Variants in ARHGAP44 observed in about 807,000 individuals in gnomAD.
ARHGAP44 encodes Rho GTPase activating protein 44.
Under a neutral mutation model 106.8 loss-of-function variants are expected in ARHGAP44, and 43 were observed. That is an observed-to-expected ratio of 0.40 (90% CI 0.32 to 0.52). The LOEUF (loss-of-function observed/expected upper bound fraction) is 0.52. ARHGAP44 is among the 20% of genes least tolerant of loss of function. The pLI, the probability that ARHGAP44 is intolerant of heterozygous loss-of-function variation, is 0.48. For synonymous variants in ARHGAP44, 439 were observed against 410.3 expected, an observed-to-expected ratio of 1.07 and a Z score of -0.85; for missense variants, 866 against 1,050.5, an observed-to-expected ratio of 0.82 and a Z score of 2.43.
intron 1 of ARHGAP44, among the ~76,000 whole-genome samples, chr17:12,871,850 C>T (rs1055285526): frequency 4.6e-5 from 7 of 152,118 alleles, no homozygotes; most frequent in Admixed American, 2.6e-4. Flanking sequence ...TCACCTTCTA[C>T]CATGATTGTA....
At chr17:12,825,709 A>G (rs2150803798) in intron 1 of ARHGAP44, among the ~76,000 whole-genome samples, 1 of 152,326 alleles carries the variant, frequency 6.6e-6, no homozygotes, top group African/African-American at 2.4e-5. Context: ...ACATCTAAAA[A>G]ATAATTCACA....
chr17:12,901,116 G>T (rs1326466349), intron 3 of ARHGAP44, among the ~76,000 whole-genome samples: 2 of 151,918 alleles, frequency 1.3e-5, no homozygotes, highest in African/African-American at 4.8e-5. Context: ...TAGAGACAGG[G>T]TTTCACCATG....
chr17:12,954,066 T>TG (rs918064380), intron 13 of ARHGAP44, among the ~76,000 whole-genome samples: 2 of 151,196 alleles, frequency 1.3e-5, no homozygotes, highest in South Asian at 4.2e-4. Context: ...TTTTGTGTTT[T>TG]TTTTTTTTTT....
At chr17:12,903,126 G>GAGAGAGAGAGAGGA (rs57334058) in intron 3 of ARHGAP44, among the ~76,000 whole-genome samples, 1 of 70,762 alleles carries the variant, frequency 1.4e-5, no homozygotes, top group African/African-American at 6.4e-5. Flanking sequence ...GAGAGAGAGA[G>GAGAGAGAGAGAGGA]GAGAGAGAGA....
chr17:12,903,126 G>GAGAGAGAGGA (rs57334058), intron 3 of ARHGAP44, among the ~76,000 whole-genome samples: 1 of 70,762 alleles, frequency 1.4e-5, no homozygotes, highest in South Asian at 6.7e-4. Flanking sequence ...GAGAGAGAGA[G>GAGAGAGAGGA]GAGAGAGAGA....
chr17:12,931,663 A>AT (rs2038404401), intron 7 of ARHGAP44, among the ~76,000 whole-genome samples: 1 of 151,242 alleles, frequency 6.6e-6, no homozygotes, highest in Admixed American at 6.6e-5. Flanking sequence ...CGCCCGGCTA[A>AT]TTTTTTTGTA....
intron 7 of ARHGAP44, among the ~76,000 whole-genome samples, chr17:12,933,141 A>G (rs1344474046): frequency 6.6e-6 from 1 of 152,124 alleles, no homozygotes; most frequent in African/African-American, 2.4e-5. Context: ...AACTGTTTTA[A>G]ATATCTACCT....
At chr17:12,960,944 T>C (rs1323045586) in intron 16 of ARHGAP44, among the ~76,000 whole-genome samples, 1 of 152,204 alleles carries the variant, frequency 6.6e-6, no homozygotes, top group Non-Finnish European at 1.5e-5. Context: ...AGACAGTGCA[T>C]TGGAACTTGT....
intron 4 of ARHGAP44, among the ~76,000 whole-genome samples, chr17:12,914,498 C>T (rs112287226): frequency 0.032 from 4,812 of 152,200 alleles, 242 homozygotes; most frequent in South Asian, 0.1. Context: ...CATGGGTAAG[C>T]TCCAGACATA....
At chr17:12,817,226 AAC>A (rs1371548843) in intron 1 of ARHGAP44, among the ~76,000 whole-genome samples, 1 of 152,114 alleles carries the variant, frequency 6.6e-6, no homozygotes, top group African/African-American at 2.4e-5. Flanking sequence ...TGAAAATGAA[AAC>A]ACAACATATC....
chr17:12,984,470 C>T (rs943802051), intron 19 of ARHGAP44, 61 bp from the exon 20 acceptor site: 134 of 1,495,122 alleles, frequency 9.0e-5, no homozygotes, highest in Middle Eastern at 5.1e-4. Flanking sequence ...TGAACAGGCC[C>T]CACAAGTGGC....
At chr17:12,963,528 G>T (rs1327140430) in intron 16 of ARHGAP44, among the ~76,000 whole-genome samples, 1 of 151,878 alleles carries the variant, frequency 6.6e-6, no homozygotes, top group Non-Finnish European at 1.5e-5. Flanking sequence ...GACCACCTCT[G>T]CCAATGCTGT....
intron 1 of ARHGAP44, among the ~76,000 whole-genome samples, chr17:12,885,846 G>A (rs2036866737): frequency 6.6e-6 from 1 of 151,954 alleles, no homozygotes; most frequent in African/African-American, 2.4e-5. Flanking sequence ...CAGAACAAAA[G>A]CTTTTAGTTT....
chr17:12,889,097 T>C (rs1470287089), intron 1 of ARHGAP44, among the ~76,000 whole-genome samples: 1 of 152,224 alleles, frequency 6.6e-6, no homozygotes, highest in Non-Finnish European at 1.5e-5. Flanking sequence ...TAAACATAAA[T>C]CTGCCATTTT....
Position 12,791,420 on chromosome 17 carries a change from C to A in ARHGAP44, c.53+1529C>A, listed in dbSNP as rs145048536. On this transcript the variant is annotated intron_variant, in intron 1 of 20. Transcript: ENST00000379672. Reference sequence around the variant, plus strand: ...CTTTAATGTCTTGGCTTCTTCGTCACCCTGCAGGCGGGCATTGGCCATCAC... The same window carrying A: ...CTTTAATGTCTTGGCTTCTTCGTCAACCTGCAGGCGGGCATTGGCCATCAC... Among the ~76,000 whole-genome samples the A allele has an allele frequency of 1.6e-4, 25 of 152,290 alleles. No homozygotes were observed. In the East Asian group the frequency reaches 4.4e-3, roughly 27 times the overall value.
chr17:12,833,233 T>G (rs554422322), intron 1 of ARHGAP44, among the ~76,000 whole-genome samples: 4 of 152,188 alleles, frequency 2.6e-5, no homozygotes, highest in African/African-American at 9.6e-5. Flanking sequence ...TGAGTATCCT[T>G]GAATAGTGTC....
chr17:12,936,181 G>C (rs2043912613), intron 7 of ARHGAP44, among the ~76,000 whole-genome samples: 2 of 152,254 alleles, frequency 1.3e-5, no homozygotes, highest in Admixed American at 6.5e-5. Flanking sequence ...TGTTACAATT[G>C]ATGAACCTGT....
chr17:12,872,953 G>A (rs1024075277), intron 1 of ARHGAP44, among the ~76,000 whole-genome samples: 5 of 152,256 alleles, frequency 3.3e-5, no homozygotes, highest in Admixed American at 6.5e-5. Flanking sequence ...TTTTGAAAAC[G>A]TGGATTTATC....
At chr17:12,817,402 C>A (rs1260407886) in intron 1 of ARHGAP44, among the ~76,000 whole-genome samples, 3 of 151,386 alleles carry the variant, frequency 2.0e-5, no homozygotes. Flanking sequence ...TACTATATAC[C>A]CACAAAAATT....
Sources: gnomAD v4.1 joint callset for allele counts (sites outside exome capture counted in the v4.1 genomes callset) on GRCh38, gnomAD v4.1.1 for gene constraint, MANE v1.5 for transcripts, NCBI Gene and HGNC (gene_info 2026-07-23, HGNC 2026-07-21) for gene names.